Variants in HDAC9 observed in about 807,000 individuals in gnomAD.
HDAC9 encodes the protein histone deacetylase 9.
Under a neutral mutation model 139.4 loss-of-function variants are expected in HDAC9, and 41 were observed. The ratio of observed to expected loss-of-function variants is 0.29; its 90% CI spans 0.23 to 0.38. HDAC9 has a LOEUF of 0.38. Ranked by LOEUF, HDAC9 falls within the 10% of genes least tolerant of loss-of-function variation. HDAC9 has a pLI of 1.00. For synonymous variants in HDAC9, 517 were observed against 476.2 expected (o/e 1.09, Z -1.12); for missense variants, 1,147 against 1,297.0 (o/e 0.88, Z 1.78).
intron 1 of HDAC9, among the ~76,000 whole-genome samples, chr7:18,125,228 C>T (rs968850174): frequency 1.1e-4 from 16 of 151,972 alleles, no homozygotes; most frequent in African/African-American, 3.9e-4. Context: ...TCCTGCCACC[C>T]GGGACACTGC....
chr7:18,473,703 A>C (rs959363340), intron 1 of HDAC9, among the ~76,000 whole-genome samples: 8 of 152,196 alleles, frequency 5.3e-5, no homozygotes, highest in East Asian at 3.8e-4. Context: ...AGCACACTTA[A>C]GTTTTCATAT....
At chr7:18,905,251 T>G (rs1802124655) in intron 22 of HDAC9, among the ~76,000 whole-genome samples, 1 of 152,246 alleles carries the variant, frequency 6.6e-6, no homozygotes, top group African/African-American at 2.4e-5. Context: ...TGTTGCTCAC[T>G]TCTTTTTTTG....
At chr7:18,585,605 C>CA (rs1372150725) in intron 3 of HDAC9, 83 bp downstream of exon 3, 1 of 1,488,822 alleles carries the variant, frequency 6.7e-7, no homozygotes, top group East Asian at 2.3e-5. Flanking sequence ...GAACACTTTG[C>CA]GGGTAGATTC....
chr7:18,798,140 A>G (rs905484435), intron 17 of HDAC9, among the ~76,000 whole-genome samples: 11 of 152,142 alleles, frequency 7.2e-5, no homozygotes, highest in East Asian at 1.9e-4. Flanking sequence ...CTCTTTCACT[A>G]GAGTATAACA....
rs555672115 is a variant in HDAC9 at position 18,486,370 on chromosome 7, G to A, written c.-41-9892G>A. Among the ~76,000 whole-genome samples the A allele has an allele frequency of 2.6e-5, 4 of 152,260 alleles. No homozygotes were observed. In the East Asian group the frequency reaches 5.8e-4, roughly 22 times the overall value. On this transcript the variant is annotated intron_variant, in intron 1 of 3. Coordinates refer to the HDAC9 transcript ENST00000413509. Reference sequence around the variant, plus strand: ...AGAATATATCTCTCTGATCTAGAAAGTATATGATCATAAGGCCCTTCCTTC... The same window carrying A: ...AGAATATATCTCTCTGATCTAGAAAATATATGATCATAAGGCCCTTCCTTC...
rs1178495441 is a variant in HDAC9, at chr7:18,644,792, A to G, written c.1034A>G (p.Asn345Ser). The change falls in exon 9 of 26, where the codon AAT becomes AGT. Residue 345 changes from asparagine (N) to serine (S), a missense_variant and splice_region_variant. Physicochemically the swap from Asn to Ser is conservative, Grantham distance 46. Transcript: ENST00000686413. ...CTTCCCGCAGTGCCATCCCAGCTCA[A>G]TGTAAGTCATTGCACAGCATCAGCC... ...LGLPAVPSQL[N>S]ASNSLKEKQK... 5.0e-6 allele frequency: 8 copies of G among 1,609,978 alleles called. No individual in the cohort carries two copies. The highest frequency in any genetic ancestry group is 2.7e-5 in the African/African-American group (2 of 74,724).
chr7:18,187,166 GA>G (rs1012379260), intron 2 of HDAC9, among the ~76,000 whole-genome samples: 5 of 152,204 alleles, frequency 3.3e-5, no homozygotes, highest in African/African-American at 1.2e-4. Context: ...AACAGTCAGT[GA>G]AAATAAAGGC....
At chr7:18,310,189 C>G (rs1195515440) in intron 1 of HDAC9, among the ~76,000 whole-genome samples, 2 of 152,096 alleles carry the variant, frequency 1.3e-5, no homozygotes, top group East Asian at 1.9e-4. Context: ...GGGGAATGAT[C>G]AGGAATGGTT....
At chr7:18,619,474 A>G (rs556232042) in intron 6 of HDAC9, among the ~76,000 whole-genome samples, 25 of 152,346 alleles carry the variant, frequency 1.6e-4, no homozygotes, top group African/African-American at 5.5e-4. Flanking sequence ...TCTGCTAAGC[A>G]TCAAGGGCTG....
chr7:18,194,571 A>G (rs961610075), intron 2 of HDAC9, among the ~76,000 whole-genome samples: 1 of 152,190 alleles, frequency 6.6e-6, no homozygotes, highest in Non-Finnish European at 1.5e-5. Flanking sequence ...ATTCTTAACA[A>G]GAGAGATGCT....
At chr7:18,616,140 C>G (rs1191553243) in intron 6 of HDAC9, among the ~76,000 whole-genome samples, 1 of 152,102 alleles carries the variant, frequency 6.6e-6, no homozygotes, top group Non-Finnish European at 1.5e-5. Flanking sequence ...TTTAAGGACC[C>G]CTTGGATAAT....
intron 1 of HDAC9, among the ~76,000 whole-genome samples, chr7:18,432,245 A>G (rs1364220238): frequency 6.6e-6 from 1 of 152,214 alleles, no homozygotes; most frequent in Non-Finnish European, 1.5e-5. Flanking sequence ...GAAGCTCTGA[A>G]CTATCTGCCA....
intron 2 of HDAC9, chr7:18,518,189 G>A (rs1803849641): frequency 6.6e-6 from 1 of 151,924 alleles, no homozygotes; most frequent in Non-Finnish European, 1.5e-5. Context: ...TTGATTTACC[G>A]GTATTTATCT....
intron 13 of HDAC9, among the ~76,000 whole-genome samples, chr7:18,738,214 A>G (rs778165922): frequency 1.1e-4 from 16 of 152,114 alleles, no homozygotes; most frequent in Non-Finnish European, 2.2e-4. Context: ...TCATTGTCCA[A>G]TTTGCCAGTC....
intron 2 of HDAC9, among the ~76,000 whole-genome samples, chr7:18,166,098 T>A (rs73315802): frequency 0.024 from 3,619 of 152,332 alleles, 149 homozygotes; most frequent in African/African-American, 0.081. Flanking sequence ...TTAAATTTGA[T>A]GAATCTATTT....
Position 18,876,669 on chromosome 7 carries a change from A to G in HDAC9, c.2803+2073A>G, listed in dbSNP as rs1216472113. 2.0e-5 allele frequency among the ~76,000 whole-genome samples: 3 copies of G among 152,046 alleles called. No homozygotes were observed. In the East Asian group the frequency reaches 5.8e-4, roughly 29 times the overall value. On this transcript the variant is annotated intron_variant, in intron 22 of 25. Coordinates refer to ENST00000686413, the MANE Select transcript of HDAC9 (RefSeq NM_178425.4). The stretch of plus-strand genomic sequence containing the variant: ...GGCATTTTCTGTATTTTTTCCATTA[A>G]AAAGAAAATGTTTCATAAAATGGAT...
intron 1 of HDAC9, among the ~76,000 whole-genome samples, chr7:18,455,005 C>A (rs191424418): frequency 6.6e-6 from 1 of 152,188 alleles, no homozygotes; most frequent in Admixed American, 6.5e-5. Flanking sequence ...TCTGAACATA[C>A]AGGTCTCACA....
chr7:18,590,377 C>G lies in HDAC9; in HGVS notation c.306C>G (p.Leu102=). 1.2e-6 allele frequency: 2 copies of G among 1,611,868 alleles called. No homozygotes were observed. Among genetic ancestry groups the G allele is most frequent in the Non-Finnish European group, 1.7e-6 (2 of 1,178,948 alleles). Residue 102 remains leucine, a synonymous_variant, in exon 4 of 26, where the codon CTC becomes CTG. Transcript: ENST00000686413. ...ELLAIKQQQE[L]LEKEQKLEQQ... is the part of the protein sequence containing the mutation. ...TAGCCATAAAACAGCAACAAGAACTCCTAGAAAAGGAGCAGAAACTGGAGC... is the reference window on the plus strand; with the variant it reads ...TAGCCATAAAACAGCAACAAGAACTGCTAGAAAAGGAGCAGAAACTGGAGC...
At chr7:18,551,668 T>C (rs1817182827) in intron 2 of HDAC9, among the ~76,000 whole-genome samples, 1 of 152,254 alleles carries the variant, frequency 6.6e-6, no homozygotes, top group Non-Finnish European at 1.5e-5. Flanking sequence ...ATTTTTATTC[T>C]ATTTTTATAC....
Sources: gnomAD v4.1 joint callset for allele counts (sites outside exome capture counted in the v4.1 genomes callset) on GRCh38, gnomAD v4.1.1 for gene constraint, MANE v1.5 for transcripts, NCBI Gene and HGNC (gene_info 2026-07-23, HGNC 2026-07-21) for gene names.